Variants in TJP1 observed in about 807,000 individuals in gnomAD.
The protein encoded by TJP1 is tight junction protein 1, also known as tight junction protein ZO-1.
In TJP1, 43 loss-of-function variants were observed where a neutral mutation model predicts 194.2. The observed-to-expected ratio is 0.22, with a 90% CI of 0.17 to 0.29. TJP1 has a LOEUF of 0.29. Among genes scored for constraint, TJP1 ranks in the 10% least tolerant of loss-of-function variants. The pLI, the probability that TJP1 is intolerant of heterozygous loss-of-function variation, is 1.00. For missense variants in TJP1, 1,971 were observed against 2,185.7 expected (o/e 0.90, Z 1.96); for synonymous variants, 801 against 779.0 (o/e 1.03, Z -0.47).
chr15:29,814,798 A>T (rs1234616018), intron 1 of TJP1, among the ~76,000 whole-genome samples: 1 of 152,182 alleles, frequency 6.6e-6, no homozygotes, highest in Non-Finnish European at 1.5e-5. Context: ...CAGTTAACTC[A>T]CTTCCCAGTA....
upstream of TJP1, chr15:29,823,439 C>G (rs1490994560): frequency 6.6e-6 from 1 of 152,208 alleles, no homozygotes; most frequent in East Asian, 1.9e-4. Flanking sequence ...TGCCAGAAAT[C>G]CTTAGTAACA....
intron 2 of TJP1, among the ~76,000 whole-genome samples, chr15:29,875,285 C>G (rs1416186047): frequency 6.6e-6 from 1 of 152,202 alleles, no homozygotes; most frequent in Non-Finnish European, 1.5e-5. Context: ...CTAATCTGTA[C>G]TTTTCAACCA....
chr15:29,743,750 TA>T (rs2044581025), intron 8 of TJP1, among the ~76,000 whole-genome samples: 1 of 151,948 alleles, frequency 6.6e-6, no homozygotes, highest in South Asian at 2.1e-4. Context: ...AAAAGAACTA[TA>T]AATCAATCAA....
chr15:29,736,226 C>A (rs2044025067), intron 11 of TJP1, among the ~76,000 whole-genome samples: 1 of 152,166 alleles, frequency 6.6e-6, no homozygotes, highest in Non-Finnish European at 1.5e-5. Context: ...GGCTGCAAAA[C>A]TGTATGACCA....
intron 2 of TJP1, among the ~76,000 whole-genome samples, chr15:29,950,131 CACCACCACCACA>C (rs1449117287): frequency 3.6e-5 from 3 of 84,466 alleles, no homozygotes; most frequent in Non-Finnish European, 5.3e-5. Context: ...CCACCACCTC[CACCACCACCACA>C]ACCACCACCT....
chr15:29,732,982 T>C (rs912304555), intron 13 of TJP1, 112 bp downstream of exon 13: 10 of 1,309,996 alleles, frequency 7.6e-6, no homozygotes, highest in South Asian at 4.3e-5. Context: ...TATAGATACG[T>C]TGAATACAAT....
At chr15:29,915,246 T>C (rs182835863) in intron 2 of TJP1, among the ~76,000 whole-genome samples, 1 of 152,352 alleles carries the variant, frequency 6.6e-6, no homozygotes, top group East Asian at 1.9e-4. Context: ...CTGGGACTTC[T>C]GTCAAATAAC....
rs1471320975 is a variant in TJP1 at position 29,822,034 on chromosome 15, C to T, written c.-6G>A. The T allele has an allele frequency of 1.5e-6, 2 of 1,349,058 alleles. No homozygotes were observed. The highest frequency in any genetic ancestry group is 2.0e-4 in the Middle Eastern group (1 of 4,926). 83.6% of individuals were successfully genotyped at this position (1,349,058 alleles called of 1,614,324 possible). On this transcript the variant is annotated 5_prime_UTR_variant, in exon 1 of 28. Coordinates refer to ENST00000614355, the MANE Select transcript of TJP1 (RefSeq NM_001330239.4). ...GCCGCAGCTCTGGCGGACATCTTGT[C>T]TCTCTCCAGCGCCGCGCGAGGCTCC... is the stretch of plus-strand genomic sequence containing the variant.
At chr15:29,949,435 C>A (rs2055468783) in intron 2 of TJP1, among the ~76,000 whole-genome samples, 3 of 147,194 alleles carry the variant, frequency 2.0e-5, no homozygotes, top group African/African-American at 5.1e-5. Context: ...CAACCACCAC[C>A]TCCACCTCCA....
chr15:29,736,366 C>A (rs2044035759), intron 11 of TJP1, among the ~76,000 whole-genome samples: 1 of 152,160 alleles, frequency 6.6e-6, no homozygotes, highest in African/African-American at 2.4e-5. Flanking sequence ...AGAAAGTGAA[C>A]AAAGCTACAA....
chr15:29,822,276 ACC>A lies in TJP1; in HGVS notation c.-250_-249del. 8.7e-7 allele frequency: 1 copy of A among 1,150,802 alleles called. No individual in the cohort carries two copies. The highest frequency in any genetic ancestry group is 1.1e-6 in the Non-Finnish European group (1 of 935,626). The allele number at this position is 1,150,802 out of a possible 1,614,324, so 71.3% of individuals were successfully genotyped here. ...CCGGCACCTCCCTCCGAGCGCGGCCACCCACTCGGCCTCCCGCAGCTTTCGCA... is the reference window on the plus strand; with the variant it reads ...CCGGCACCTCCCTCCGAGCGCGGCCACACTCGGCCTCCCGCAGCTTTCGCA... On this transcript the variant is annotated 5_prime_UTR_variant, in exon 1 of 28. Coordinates refer to ENST00000614355, the MANE Select transcript of TJP1 (RefSeq NM_001330239.4).
intron 2 of TJP1, among the ~76,000 whole-genome samples, chr15:29,842,611 C>T (rs1203675895): frequency 6.6e-6 from 1 of 152,128 alleles, no homozygotes; most frequent in African/African-American, 2.4e-5. Flanking sequence ...CAGACAGTGG[C>T]CCCGCGCCAG....
In TJP1 at chr15:29,968,177, T is replaced by A. The variant is rs2056394931; in HGVS notation, c.173+490A>T. 5.1e-6 allele frequency: 5 copies of A among 985,394 alleles called. No individual in the cohort carries two copies. In the South Asian group the frequency reaches 2.3e-4, roughly 46 times the overall value. The allele number at this position is 985,394 out of a possible 1,614,324, so 61.0% of individuals were successfully genotyped here. A position where few individuals can be genotyped will look rare whatever the true frequency, so the allele number is the denominator to read the frequency against. ...AGTCCCTGACAATGCAATAATAATTTCCCAACTTATTCCCCTTGCCTTGCT... is the reference window on the plus strand; with the variant it reads ...AGTCCCTGACAATGCAATAATAATTACCCAACTTATTCCCCTTGCCTTGCT... On this transcript the variant is annotated intron_variant, in intron 1 of 28. Coordinates refer to the TJP1 transcript ENST00000356107.
chr15:29,867,166 A>G, intron 2 of TJP1, among the ~76,000 whole-genome samples: 1 of 152,242 alleles, frequency 6.6e-6, no homozygotes. Context: ...TGACACAGGA[A>G]CATTCCTGGA....
rs138985113 is a variant in TJP1 at position 29,849,664 on chromosome 15, G to A, written c.307-48962C>T. Among the ~76,000 whole-genome samples the A allele has an allele frequency of 2.8e-3, 419 of 151,746 alleles. 1 individual carries two copies. Among genetic ancestry groups the A allele is most frequent in the African/African-American group, 9.3e-3 (383 of 41,374 alleles). On this transcript the variant is annotated intron_variant, in intron 2 of 28. Coordinates refer to the TJP1 transcript ENST00000356107. ...TGAGGCAGGAGAATTGCTTGAACCC[G>A]GGAGTCGGAGGTTCGGAGGTTGCAA...
chr15:29,741,287 T>G, intron 10 of TJP1, 44 bp downstream of exon 10: 1 of 1,428,690 alleles, frequency 7.0e-7, no homozygotes, highest in Non-Finnish European at 9.7e-7. Context: ...TGAATAATGT[T>G]AATAATGAAC....
intron 2 of TJP1, among the ~76,000 whole-genome samples, chr15:29,878,881 T>C (rs1466567746): frequency 1.3e-5 from 2 of 151,972 alleles, no homozygotes; most frequent in African/African-American, 2.4e-5. Flanking sequence ...TCCCAGCACT[T>C]AGGGAGGCTG....
chr15:29,779,798 A>G (rs2047240992), intron 2 of TJP1, among the ~76,000 whole-genome samples: 1 of 152,198 alleles, frequency 6.6e-6, no homozygotes. Context: ...GCAGTCGACT[A>G]CATAACAAAC....
In TJP1 at chr15:29,726,849, C is replaced by T. The variant is rs538345537; in HGVS notation, c.2243G>A (p.Arg748Gln). ...TMRMRLCPESRKSARKLYERS... is the reference protein window; with the variant it reads ...TMRMRLCPESQKSARKLYERS... ...CTCGTATAACTTCCTGGCACTTTTC[C>T]GAGATTCTGGACATAACCTCATTCT... The change falls in exon 17 of 28, where the codon CGG becomes CAG. Residue 748 changes from arginine (R) to glutamine (Q), a missense_variant. Physicochemically the swap from Arg to Gln is conservative, Grantham distance 43. Coordinates refer to ENST00000614355, the MANE Select transcript of TJP1 (RefSeq NM_001330239.4). 4.0e-5 allele frequency: 65 copies of T among 1,613,972 alleles called. No individual in the cohort carries two copies. Among genetic ancestry groups the T allele is most frequent in the Non-Finnish European group, 5.3e-5 (62 of 1,180,038 alleles).
Sources: gnomAD v4.1 joint callset for allele counts (sites outside exome capture counted in the v4.1 genomes callset) on GRCh38, gnomAD v4.1.1 for gene constraint, MANE v1.5 for transcripts, NCBI Gene and HGNC (gene_info 2026-07-23, HGNC 2026-07-21) for gene names.